The following SOX6 variants were observed in gnomAD, a reference collection of about 807,000 sequenced individuals.
SOX6 encodes the protein transcription factor SOX-6.
A neutral mutation model predicts 97.8 loss-of-function variants in SOX6; 11 were observed. The observed-to-expected ratio is 0.11, with a 90% confidence interval of 0.07 to 0.19. SOX6 has a LOEUF of 0.19. SOX6 is among the 10% of genes least tolerant of loss of function. The probability of loss-of-function intolerance (pLI) is 1.00; values close to 1 mark genes in which losing one functional copy is unlikely to be tolerated. For synonymous variants in SOX6, 360 were observed against 371.4 expected, an observed-to-expected ratio of 0.97 and a Z score of 0.35; for missense variants, 810 against 1,039.5, an observed-to-expected ratio of 0.78 and a Z score of 3.04.
intron 1 of SOX6, among the ~76,000 whole-genome samples, chr11:16,387,222 C>G (rs1858014798): frequency 6.6e-6 from 1 of 151,946 alleles, no homozygotes; most frequent in African/African-American, 2.4e-5. Context: ...GTAACCTAAG[C>G]AAAAGAATAC....
At chr11:16,389,759 G>C (rs1858106288) in intron 1 of SOX6, among the ~76,000 whole-genome samples, 1 of 151,536 alleles carries the variant, frequency 6.6e-6, no homozygotes, top group South Asian at 2.1e-4. Flanking sequence ...ACGAAGTCGG[G>C]GGATCGAGAC....
chr11:16,703,798 T>C (rs1848111707), intron 3 of SOX6, among the ~76,000 whole-genome samples: 1 of 152,172 alleles, frequency 6.6e-6, no homozygotes, highest in South Asian at 2.1e-4. Context: ...TTTCTCTTAA[T>C]AGCACCACTG....
intron 1 of SOX6, among the ~76,000 whole-genome samples, chr11:16,461,379 C>T (rs568188040): frequency 6.6e-6 from 1 of 152,220 alleles, no homozygotes; most frequent in Non-Finnish European, 1.5e-5. Flanking sequence ...AAAAGCGAAG[C>T]TCTTGGCATG....
intron 6 of SOX6, among the ~76,000 whole-genome samples, chr11:16,140,029 TTATATG>T (rs1850088619): frequency 6.6e-6 from 1 of 150,622 alleles, no homozygotes; most frequent in African/African-American, 2.4e-5. Flanking sequence ...GTGTGTATAT[TTATATG>T]TGTATATGCA....
chr11:16,684,380 C>G (rs1294324784), intron 3 of SOX6, among the ~76,000 whole-genome samples: 3 of 152,134 alleles, frequency 2.0e-5, no homozygotes, highest in African/African-American at 7.2e-5. Flanking sequence ...CACATATACA[C>G]CATGGAATAC....
chr11:16,694,918 T>C (rs903132014), intron 3 of SOX6, among the ~76,000 whole-genome samples: 1 of 152,216 alleles, frequency 6.6e-6, no homozygotes, highest in Non-Finnish European at 1.5e-5. Flanking sequence ...ATAACAACTA[T>C]ATACATAGCA....
chr11:16,480,849 C>A (rs751228096), upstream of SOX6, among the ~76,000 whole-genome samples: 28 of 152,148 alleles, frequency 1.8e-4, no homozygotes, highest in Middle Eastern at 3.4e-3. Flanking sequence ...AAACTGAAGT[C>A]AAGAATTAAA....
chr11:16,072,880 C>T (rs984243328), intron 9 of SOX6, among the ~76,000 whole-genome samples: 2 of 152,126 alleles, frequency 1.3e-5, no homozygotes, highest in Non-Finnish European at 2.9e-5. Context: ...CAGACCCTTT[C>T]CAGACAAGCA....
chr11:16,079,869 C>T (rs1012217681), intron 9 of SOX6, among the ~76,000 whole-genome samples: 1 of 148,578 alleles, frequency 6.7e-6, no homozygotes, highest in African/African-American at 2.6e-5. Context: ...TGGCTTAACT[C>T]TCTAATTAGC....
intron 4 of SOX6, among the ~76,000 whole-genome samples, chr11:16,567,810 C>T (rs1411278224): frequency 1.3e-5 from 2 of 149,088 alleles, no homozygotes; most frequent in East Asian, 2.0e-4. Flanking sequence ...CTCCTGACCT[C>T]GTGATCCACC....
intron 4 of SOX6, among the ~76,000 whole-genome samples, chr11:16,557,646 T>C (rs1847764450): frequency 6.6e-6 from 1 of 151,866 alleles, no homozygotes; most frequent in Admixed American, 6.6e-5. Context: ...CAAATATCCA[T>C]ATTTCTCACC....
chr11:16,099,148 T>C (rs541905085), intron 7 of SOX6, among the ~76,000 whole-genome samples: 2 of 151,824 alleles, frequency 1.3e-5, no homozygotes, highest in Non-Finnish European at 2.9e-5. Context: ...TAACATTATA[T>C]TGTGCTGGTC....
rs140473523 is a variant in SOX6, at chr11:16,120,581, T to TATATACAC, written c.778-8659_778-8658insGTGTATAT. Reference sequence around the variant, plus strand: ...CTTCACATATATATATATATATATATACACACACTTTTCTGCATAAATATA... The same window carrying TATATACAC: ...CTTCACATATATATATATATATATATATATACACACACACACTTTTCTGCATAAATATA... On this transcript the variant is annotated intron_variant, in intron 6 of 15. Transcript: ENST00000683767. Among the ~76,000 whole-genome samples the TATATACAC allele has an allele frequency of 1.1e-4, 16 of 149,724 alleles. No homozygotes were observed. In the East Asian group the frequency reaches 2.6e-3, roughly 25 times the overall value.
chr11:16,246,764 T>G (rs915571003), intron 3 of SOX6, among the ~76,000 whole-genome samples: 3 of 152,118 alleles, frequency 2.0e-5, no homozygotes, highest in Non-Finnish European at 4.4e-5. Flanking sequence ...TTATTTATTT[T>G]TAATTTTTCA....
At chr11:16,023,978 T>A (rs1269617565) in intron 12 of SOX6, among the ~76,000 whole-genome samples, 1 of 152,168 alleles carries the variant, frequency 6.6e-6, no homozygotes, top group Non-Finnish European at 1.5e-5. Context: ...CCATAATTCA[T>A]AGGTACCCCT....
In SOX6 at chr11:16,537,554, T is replaced by A. The variant is rs574850696; in HGVS notation, n.610-61166A>T. Among the ~76,000 whole-genome samples the A allele has an allele frequency of 2.0e-5, 3 of 152,140 alleles. No homozygotes were observed. The South Asian group carries it at 6.2e-4, about 32-fold the overall frequency. Reference sequence around the variant, plus strand: ...AGCTAAAGGAGCATGTTCTAACCCATCGCAAGGAAGCTAAAAACCTTGAAA... The same window carrying A: ...AGCTAAAGGAGCATGTTCTAACCCAACGCAAGGAAGCTAAAAACCTTGAAA... On this transcript the variant is annotated intron_variant and non_coding_transcript_variant, in intron 4 of 5. Transcript: ENST00000524520.
At chr11:16,466,244 T>C in intron 1 of SOX6, among the ~76,000 whole-genome samples, 1 of 152,220 alleles carries the variant, frequency 6.6e-6, no homozygotes, top group East Asian at 1.9e-4. Context: ...TTGGTGAAAT[T>C]ATAATCATTT....
intron 2 of SOX6, among the ~76,000 whole-genome samples, chr11:16,728,321 C>T (rs576834305): frequency 1.3e-5 from 2 of 152,316 alleles, no homozygotes; most frequent in East Asian, 3.9e-4. Flanking sequence ...ACACCCCACA[C>T]AGGAGAGCTC....
At chr11:16,542,788 C>G (rs934817392) in intron 4 of SOX6, among the ~76,000 whole-genome samples, 3 of 152,018 alleles carry the variant, frequency 2.0e-5, no homozygotes, top group Non-Finnish European at 4.4e-5. Flanking sequence ...TCTTAAGCAC[C>G]CCCAATGCTC....
Sources: gnomAD v4.1 joint callset for allele counts (sites outside exome capture counted in the v4.1 genomes callset) on GRCh38, gnomAD v4.1.1 for gene constraint, MANE v1.5 for transcripts, NCBI Gene and HGNC (gene_info 2026-07-23, HGNC 2026-07-21) for gene names.